Variants in CEP128 observed in about 807,000 individuals in gnomAD.
CEP128 encodes the protein centrosomal protein 128.
CEP128 carries 132 observed loss-of-function variants against 156.7 expected under a neutral mutation model. The observed-to-expected ratio is 0.84, with a 90% CI of 0.73 to 0.97. CEP128 has a LOEUF of 0.97. Ranked by LOEUF, CEP128 falls within the 50% of genes least tolerant of loss-of-function variation. CEP128 has a pLI of 0.00. For synonymous variants in CEP128, 469 were observed against 448.9 expected (o/e 1.04, Z -0.57); for missense variants, 1,252 against 1,281.9 (o/e 0.98, Z 0.36).
At chr14:80,672,180 T>C (rs1895868585) in intron 19 of CEP128, among the ~76,000 whole-genome samples, 1 of 151,708 alleles carries the variant, frequency 6.6e-6, no homozygotes, top group Non-Finnish European at 1.5e-5. Context: ...TCATTACAAA[T>C]AAAAAAACTC....
chr14:80,604,643 C>T (rs999157912), intron 19 of CEP128, among the ~76,000 whole-genome samples: 2 of 152,118 alleles, frequency 1.3e-5, no homozygotes, highest in African/African-American at 2.4e-5. Flanking sequence ...CCAAACACCA[C>T]TCATATTCCT....
chr14:80,894,511 G>A, intron 8 of CEP128: 1 of 414,796 alleles, frequency 2.4e-6, no homozygotes, highest in South Asian at 1.8e-5. Context: ...TAAATTGAAG[G>A]TGCCCTTGGT....
intron 20 of CEP128, among the ~76,000 whole-genome samples, chr14:80,572,120 G>C (rs1342961654): frequency 6.6e-6 from 1 of 152,192 alleles, no homozygotes; most frequent in Non-Finnish European, 1.5e-5. Flanking sequence ...CCTGACGGGA[G>C]TTAGCAAGTG....
intron 19 of CEP128, among the ~76,000 whole-genome samples, chr14:80,637,794 C>A (rs1032196465): frequency 2.6e-5 from 4 of 152,054 alleles, no homozygotes; most frequent in Non-Finnish European, 5.9e-5. Flanking sequence ...ATATGTCATC[C>A]CAAGTGTCCT....
intron 16 of CEP128, among the ~76,000 whole-genome samples, chr14:80,767,707 C>T (rs1157696610): frequency 3.9e-5 from 6 of 152,060 alleles, no homozygotes; most frequent in African/African-American, 7.2e-5. Flanking sequence ...CTCTGTGCTA[C>T]CACAAGAAGT....
intron 20 of CEP128, among the ~76,000 whole-genome samples, chr14:80,568,589 G>A (rs769850168): frequency 7.9e-5 from 12 of 152,142 alleles, no homozygotes; most frequent in African/African-American, 1.9e-4. Flanking sequence ...GATCAACATC[G>A]AAGCAGAAAG....
At chr14:80,625,468 GA>G (rs1199860849) in intron 19 of CEP128, among the ~76,000 whole-genome samples, 1 of 151,972 alleles carries the variant, frequency 6.6e-6, no homozygotes, top group East Asian at 1.9e-4. Context: ...TGAATTTCAG[GA>G]TTTTTTTTCT....
chr14:80,487,068 G>T (rs1039712526), downstream of CEP128, among the ~76,000 whole-genome samples: 3 of 152,016 alleles, frequency 2.0e-5, no homozygotes, highest in African/African-American at 7.3e-5. Flanking sequence ...CCAATTAAAA[G>T]ACACAAACTG....
intron 13 of CEP128, among the ~76,000 whole-genome samples, chr14:80,813,773 T>A (rs1376748846): frequency 6.6e-6 from 1 of 152,182 alleles, no homozygotes; most frequent in Non-Finnish European, 1.5e-5. Context: ...AGAGCATTAC[T>A]GTTTTCTAGG....
intron 9 of CEP128, among the ~76,000 whole-genome samples, chr14:80,854,094 T>C (rs769775612): frequency 3.3e-5 from 5 of 152,090 alleles, no homozygotes; most frequent in Non-Finnish European, 7.4e-5. Context: ...GGTGTGTGAA[T>C]AGATGCTCAA....
At chr14:80,796,143 T>C (rs1883458683) in intron 13 of CEP128, among the ~76,000 whole-genome samples, 1 of 152,138 alleles carries the variant, frequency 6.6e-6, no homozygotes, top group Non-Finnish European at 1.5e-5. Context: ...CATCATACTA[T>C]GAAAACAGCT....
intron 13 of CEP128, among the ~76,000 whole-genome samples, chr14:80,806,233 T>C (rs1169351602): frequency 6.6e-6 from 1 of 152,184 alleles, no homozygotes. Flanking sequence ...AGAGGCTTCA[T>C]ACAACCTCTT....
chr14:80,888,581 C>T (rs553068031), intron 8 of CEP128, among the ~76,000 whole-genome samples: 63 of 152,206 alleles, frequency 4.1e-4, no homozygotes, highest in African/African-American at 1.4e-3. Flanking sequence ...AATTCAACAG[C>T]GCTTCATGCT....
At chr14:80,634,509 T>C (rs1189177056) in intron 19 of CEP128, among the ~76,000 whole-genome samples, 1 of 152,140 alleles carries the variant, frequency 6.6e-6, no homozygotes, top group Non-Finnish European at 1.5e-5. Context: ...TTTTTGAATA[T>C]ATTTTTCAAT....
upstream of CEP128, among the ~76,000 whole-genome samples, chr14:80,946,310 G>C (rs1253855296): frequency 1.5e-5 from 1 of 67,058 alleles, no homozygotes; most frequent in Non-Finnish European, 3.1e-5. Flanking sequence ...TTAATACCTT[G>C]ATGCCTCATG....
chr14:80,635,419 C>T (rs1022570354), intron 19 of CEP128, among the ~76,000 whole-genome samples: 1 of 152,068 alleles, frequency 6.6e-6, no homozygotes, highest in Non-Finnish European at 1.5e-5. Flanking sequence ...ACAAAAAAAC[C>T]CCCAAATAAA....
At chr14:80,817,559 G>A (rs1381984356) in intron 13 of CEP128, among the ~76,000 whole-genome samples, 2 of 152,230 alleles carry the variant, frequency 1.3e-5, no homozygotes, top group African/African-American at 4.8e-5. Context: ...CAAAAATTCT[G>A]GAATTGAAAT....
chr14:80,629,539 G>C (rs1893876634), intron 19 of CEP128, among the ~76,000 whole-genome samples: 1 of 107,234 alleles, frequency 9.3e-6, no homozygotes, highest in Admixed American at 1.1e-4. Flanking sequence ...TTTAAGGTAG[G>C]AATACCCTCT....
At chr14:80,913,860 C>T (rs373466074) in intron 4 of CEP128, among the ~76,000 whole-genome samples, 102 of 152,284 alleles carry the variant, frequency 6.7e-4, no homozygotes, top group African/African-American at 2.3e-3. Context: ...AAATCCCAGA[C>T]TTCATCACTA....
Sources: gnomAD v4.1 joint callset for allele counts (sites outside exome capture counted in the v4.1 genomes callset) on GRCh38, gnomAD v4.1.1 for gene constraint, MANE v1.5 for transcripts, NCBI Gene and HGNC (gene_info 2026-07-23, HGNC 2026-07-21) for gene names.